NR1H4: variants seen among roughly 807,000 people sequenced by gnomAD.
NR1H4 encodes the protein bile acid receptor.
In NR1H4, 23 loss-of-function variants were observed where a neutral mutation model predicts 58.5. The observed-to-expected ratio is 0.39, with a 90% CI of 0.28 to 0.56. The LOEUF is 0.56. NR1H4 is among the 20% of genes least tolerant of loss of function. NR1H4 has a pLI of 0.58. For missense variants in NR1H4, 487 were observed against 576.9 expected (o/e 0.84, Z 1.60); for synonymous variants, 214 against 198.0 (o/e 1.08, Z -0.68).
chr12:100,555,019 A>G (rs1162710347), intron 9 of NR1H4, among the ~76,000 whole-genome samples: 1 of 152,232 alleles, frequency 6.6e-6, no homozygotes, highest in Non-Finnish European at 1.5e-5. Flanking sequence ...CAACATGCAC[A>G]AGATGAAATA....
intron 9 of NR1H4, among the ~76,000 whole-genome samples, chr12:100,548,679 G>A (rs1247944345): frequency 6.6e-6 from 1 of 151,958 alleles, no homozygotes; most frequent in Non-Finnish European, 1.5e-5. Flanking sequence ...CTTTTATTGA[G>A]TACTTCTATG....
intron 9 of NR1H4, among the ~76,000 whole-genome samples, chr12:100,544,269 A>AG (rs1955007581): frequency 6.6e-6 from 1 of 151,840 alleles, no homozygotes; most frequent in Non-Finnish European, 1.5e-5. Flanking sequence ...AAAAAAAAAA[A>AG]AAAAATCCAT....
chr12:100,537,041 C>G lies in NR1H4; in HGVS notation c.925C>G (p.Leu309Val). The stretch of plus-strand genomic sequence containing the variant: ...GGTTCTTGTAGAATTCACAAAAAAG[C>G]TACCAGGTATTTTTTAAATAATCAA... ...VQVLVEFTKK[L>V]PGFQTLDHED... The change falls in exon 8 of 11, where the codon CTA becomes GTA. Residue 309 changes from leucine to valine, a missense_variant. Leu to Val is a conservative substitution (Grantham distance 32). Transcript: ENST00000392986. The G allele has an allele frequency of 6.3e-7, 1 of 1,581,852 alleles. No homozygotes were observed. Among genetic ancestry groups the G allele is most frequent in the Non-Finnish European group, 8.6e-7 (1 of 1,156,222 alleles).
chr12:100,534,816 A>G lies in NR1H4; in HGVS notation c.599-74A>G, dbSNP rs917727944. 7 of 1,547,782 alleles carry G rather than the reference A, an allele frequency of 4.5e-6. No individual in the cohort carries two copies. In the South Asian group the frequency reaches 5.6e-5, roughly 12 times the overall value. On this transcript the variant is annotated intron_variant, in intron 5 of 10. Coordinates refer to ENST00000392986, the MANE Select transcript of NR1H4 (RefSeq NM_001206979.2). ...AGGGGATCTTCTGGGCCAGGTACAT[A>G]TCAGTGGTTTTATGACCACACACCC...
At chr12:100,480,203 C>T (rs1953349924) in intron 1 of NR1H4, among the ~76,000 whole-genome samples, 1 of 152,198 alleles carries the variant, frequency 6.6e-6, no homozygotes, top group Non-Finnish European at 1.5e-5. Flanking sequence ...TCTGTTGTAG[C>T]AATCCTCACA....
intron 3 of NR1H4, chr12:100,505,712 A>G (rs1442867587): frequency 7.4e-5 from 47 of 638,136 alleles, no homozygotes; most frequent in South Asian, 6.4e-4. Context: ...AAGATTCCTA[A>G]ATCTAAATTT....
chr12:100,497,328 C>T (rs898805430), intron 3 of NR1H4, among the ~76,000 whole-genome samples: 2 of 152,132 alleles, frequency 1.3e-5, no homozygotes, highest in Non-Finnish European at 2.9e-5. Flanking sequence ...GAACGTGCGG[C>T]ATGCTCTTGA....
rs149429072 is a variant in NR1H4, at chr12:100,515,699, C to G, written c.445+4556C>G. On this transcript the variant is annotated intron_variant, in intron 4 of 10. Coordinates refer to ENST00000392986, the MANE Select transcript of NR1H4 (RefSeq NM_001206979.2). The stretch of plus-strand genomic sequence containing the variant: ...CACATAGTCAAAACTCAATAGATGT[C>G]TATTGTTATTATTGTTATGGTCCTA... 1.8e-3 allele frequency among the ~76,000 whole-genome samples: 280 copies of G among 152,252 alleles called. 1 individual carries two copies. The highest frequency in any genetic ancestry group is 6.4e-3 in the African/African-American group (267 of 41,542).
At chr12:100,479,841 T>G (rs1953342529) in intron 1 of NR1H4, among the ~76,000 whole-genome samples, 1 of 152,214 alleles carries the variant, frequency 6.6e-6, no homozygotes, top group Non-Finnish European at 1.5e-5. Context: ...CCTTTGCTTT[T>G]GCTGATCACT....
intron 4 of NR1H4, among the ~76,000 whole-genome samples, chr12:100,520,837 G>A (rs911922976): frequency 1.2e-4 from 19 of 152,212 alleles, no homozygotes; most frequent in African/African-American, 4.1e-4. Flanking sequence ...GCAAGGTTAT[G>A]TTCTACTTTC....
chr12:100,519,584 A>T (rs1038866537), intron 4 of NR1H4, among the ~76,000 whole-genome samples: 1 of 152,064 alleles, frequency 6.6e-6, no homozygotes, highest in Non-Finnish European at 1.5e-5. Context: ...CTGTGTTGGG[A>T]TGCCTGGCTT....
At chr12:100,557,873 A>G (rs948937132) in intron 9 of NR1H4, among the ~76,000 whole-genome samples, 1 of 152,172 alleles carries the variant, frequency 6.6e-6, no homozygotes, top group African/African-American at 2.4e-5. Flanking sequence ...GGAGCAGTCT[A>G]TTCTCATCTG....
chr12:100,560,949 G>A (rs1039208887), intron 9 of NR1H4, among the ~76,000 whole-genome samples: 1 of 152,094 alleles, frequency 6.6e-6, no homozygotes, highest in African/African-American at 2.4e-5. Flanking sequence ...GAATGGGAAC[G>A]CCAGGAAAGA....
At chr12:100,480,750 A>T (rs546654950) in intron 1 of NR1H4, among the ~76,000 whole-genome samples, 1 of 152,284 alleles carries the variant, frequency 6.6e-6, no homozygotes, top group Non-Finnish European at 1.5e-5. Context: ...AACAGGAATG[A>T]TCCATTAATT....
intron 1 of NR1H4, among the ~76,000 whole-genome samples, chr12:100,480,477 A>T (rs1006717447): frequency 1.3e-5 from 2 of 152,150 alleles, no homozygotes; most frequent in African/African-American, 4.8e-5. Context: ...CCAAGTTACC[A>T]CAGGAGACAG....
At chr12:100,499,771 A>T in intron 3 of NR1H4, 5 of 439,656 alleles carry the variant, frequency 1.1e-5, no homozygotes, top group South Asian at 8.1e-5. Context: ...AATTGTAATG[A>T]TAACAGCTAG....
chr12:100,483,985 GAAAA>G (rs61582838), intron 1 of NR1H4, among the ~76,000 whole-genome samples: 1 of 70,226 alleles, frequency 1.4e-5, no homozygotes, highest in Non-Finnish European at 3.5e-5. Context: ...CTCTGTCTCA[GAAAA>G]AAAAAAAAAA....
chr12:100,515,131 G>T (rs1954228425), intron 4 of NR1H4, among the ~76,000 whole-genome samples: 1 of 149,824 alleles, frequency 6.7e-6, no homozygotes, highest in Non-Finnish European at 1.5e-5. Context: ...TACATCTCAG[G>T]CATATGAAGT....
chr12:100,479,265 A>G (rs1000206653), intron 1 of NR1H4, among the ~76,000 whole-genome samples: 3 of 152,228 alleles, frequency 2.0e-5, no homozygotes, highest in African/African-American at 7.2e-5. Flanking sequence ...CTTATTTAAT[A>G]AAGTCCTTCT....
Sources: gnomAD v4.1 joint callset for allele counts (sites outside exome capture counted in the v4.1 genomes callset) on GRCh38, gnomAD v4.1.1 for gene constraint, MANE v1.5 for transcripts, NCBI Gene and HGNC (gene_info 2026-07-23, HGNC 2026-07-21) for gene names.